Variants in LRRTM4 observed in about 807,000 individuals in gnomAD.
LRRTM4 encodes the protein leucine rich repeat transmembrane neuronal 4.
LRRTM4 carries 25 observed loss-of-function variants against 47.6 expected under a neutral mutation model. That is an observed-to-expected ratio of 0.53 (90% CI 0.38 to 0.73). The LOEUF is 0.73. Ranked by LOEUF, LRRTM4 falls within the 30% of genes least tolerant of loss-of-function variation. LRRTM4 has a pLI of 0.00. For synonymous variants in LRRTM4, 311 were observed against 269.5 expected (o/e 1.15, Z -1.51); for missense variants, 638 against 713.4 (o/e 0.89, Z 1.20).
intron 3 of LRRTM4, among the ~76,000 whole-genome samples, chr2:76,936,929 T>C (rs1473988083): frequency 9.4e-6 from 1 of 106,140 alleles, no homozygotes; most frequent in Non-Finnish European, 1.7e-5. Flanking sequence ...CACTCCAGCC[T>C]GGGCGACAGA....
intron 3 of LRRTM4, among the ~76,000 whole-genome samples, chr2:77,188,745 A>G (rs1274143919): frequency 1.3e-5 from 2 of 152,162 alleles, no homozygotes; most frequent in African/African-American, 2.4e-5. Context: ...ATGTCTTGGC[A>G]ATACTGGTCT....
At chr2:76,860,413 A>C (rs1672279092) in intron 3 of LRRTM4, among the ~76,000 whole-genome samples, 1 of 152,178 alleles carries the variant, frequency 6.6e-6, no homozygotes, top group Non-Finnish European at 1.5e-5. Flanking sequence ...AGTTGGATAC[A>C]AAAACCAGAT....
intron 3 of LRRTM4, among the ~76,000 whole-genome samples, chr2:77,079,102 A>G (rs549286304): frequency 6.6e-6 from 1 of 152,336 alleles, no homozygotes; most frequent in East Asian, 1.9e-4. Flanking sequence ...TCAACATATG[A>G]ATTTTGGGGG....
intron 3 of LRRTM4, among the ~76,000 whole-genome samples, chr2:77,194,905 TA>T (rs1673769197): frequency 6.6e-6 from 1 of 150,546 alleles, no homozygotes; most frequent in South Asian, 2.1e-4. Context: ...GCATTTATAT[TA>T]AAAGAAAAAA....
chr2:77,493,114 A>G (rs1678232636), intron 3 of LRRTM4, among the ~76,000 whole-genome samples: 1 of 152,118 alleles, frequency 6.6e-6, no homozygotes, highest in African/African-American at 2.4e-5. Context: ...GTGATCCGAA[A>G]CATACTCGCC....
At chr2:77,000,480 C>T (rs1465467918) in intron 3 of LRRTM4, among the ~76,000 whole-genome samples, 1 of 152,104 alleles carries the variant, frequency 6.6e-6, no homozygotes, top group African/African-American at 2.4e-5. Flanking sequence ...ATCTACAACA[C>T]GTAAGTAGTA....
At chr2:77,127,518 C>T (rs551421004) in intron 3 of LRRTM4, among the ~76,000 whole-genome samples, 7 of 152,170 alleles carry the variant, frequency 4.6e-5, no homozygotes, top group African/African-American at 1.7e-4. Flanking sequence ...TCTACATGAC[C>T]CACAGAATAT....
rs1319023471 is a variant in LRRTM4 at position 77,292,464 on chromosome 2, T to C, written c.1551+225854A>G. 3.3e-5 allele frequency among the ~76,000 whole-genome samples: 5 copies of C among 151,970 alleles called. No homozygotes were observed. The East Asian group carries it at 5.8e-4, about 18-fold the overall frequency. The stretch of plus-strand genomic sequence containing the variant: ...AACCAACCCAAATGTCCAACAATGA[T>C]AGACTTGATTAAGAAAATGTGGCAC... On this transcript the variant is annotated intron_variant, in intron 3 of 3. Transcript: ENST00000409884.
chr2:76,767,344 C>G (rs541206584), intron 3 of LRRTM4, among the ~76,000 whole-genome samples: 2 of 152,134 alleles, frequency 1.3e-5, no homozygotes, highest in South Asian at 4.1e-4. Flanking sequence ...TCTGTGTCAC[C>G]CATCTTTATG....
At chr2:77,356,630 G>A (rs532675651) in intron 3 of LRRTM4, among the ~76,000 whole-genome samples, 29 of 152,224 alleles carry the variant, frequency 1.9e-4, no homozygotes, top group African/African-American at 5.8e-4. Flanking sequence ...TGTCTGTAGC[G>A]CCTATGCTAT....
At chr2:77,235,209 T>C (rs535393864) in intron 3 of LRRTM4, among the ~76,000 whole-genome samples, 1 of 152,220 alleles carries the variant, frequency 6.6e-6, no homozygotes, top group Admixed American at 6.5e-5. Flanking sequence ...CCAGCATCTG[T>C]TGGTTTTTTA....
At chr2:76,996,562 TA>T (rs5832264) in intron 3 of LRRTM4, among the ~76,000 whole-genome samples, 86,102 of 151,720 alleles carry the variant, frequency 0.57, 26,522 homozygotes, top group African/African-American at 0.8. Context: ...ACAGGAAAAA[TA>T]AAAAAATGAC....
intron 3 of LRRTM4, among the ~76,000 whole-genome samples, chr2:76,915,183 T>C (rs1674201580): frequency 6.6e-6 from 1 of 152,214 alleles, no homozygotes; most frequent in Admixed American, 6.5e-5. Context: ...GATAAAATCC[T>C]CTTGATTGGA....
intron 3 of LRRTM4, among the ~76,000 whole-genome samples, chr2:77,169,221 C>T (rs543769867): frequency 3.0e-4 from 45 of 151,960 alleles, no homozygotes; most frequent in Admixed American, 4.6e-4. Flanking sequence ...CAGTCCTAGC[C>T]GGAGCAATCA....
chr2:76,846,005 C>T (rs565892323), intron 3 of LRRTM4, among the ~76,000 whole-genome samples: 4 of 152,158 alleles, frequency 2.6e-5, no homozygotes, highest in African/African-American at 4.8e-5. Flanking sequence ...ATGGAAAATA[C>T]GGTATTTGCA....
chr2:77,464,067 T>C lies in LRRTM4; in HGVS notation c.1551+54251A>G, dbSNP rs186351940. On this transcript the variant is annotated intron_variant, in intron 3 of 3. Transcript: ENST00000409884. ...AAGCCAGAATTGGAACTGGGCTTGA[T>C]GGACTAGTAAGACCATCAGGTAATT... Among the ~76,000 whole-genome samples, 3 of 152,222 alleles carry C rather than the reference T, an allele frequency of 2.0e-5. No individual in the cohort carries two copies. The East Asian group carries it at 5.8e-4, about 29-fold the overall frequency.
intron 3 of LRRTM4, among the ~76,000 whole-genome samples, chr2:77,081,914 T>C (rs1346900640): frequency 1.3e-5 from 2 of 152,106 alleles, no homozygotes; most frequent in African/African-American, 4.8e-5. Context: ...TCATCGGCTT[T>C]TTGGGTTTTA....
At chr2:76,805,487 CAA>C (rs1179361467) in intron 3 of LRRTM4, among the ~76,000 whole-genome samples, 8 of 152,054 alleles carry the variant, frequency 5.3e-5, no homozygotes, top group African/African-American at 9.7e-5. Flanking sequence ...GCTGTAGTGA[CAA>C]AGAGTTAGTA....
intron 3 of LRRTM4, among the ~76,000 whole-genome samples, chr2:77,239,734 C>G (rs1475738181): frequency 6.6e-6 from 1 of 151,732 alleles, no homozygotes; most frequent in Non-Finnish European, 1.5e-5. Context: ...CCTATTGTTG[C>G]ACCTAATAGT....
Sources: allele counts gnomAD v4.1 joint callset (sites outside exome capture counted in the v4.1 genomes callset), GRCh38; gene constraint gnomAD v4.1.1; transcripts MANE v1.5; gene names NCBI Gene and HGNC (gene_info 2026-07-23, HGNC 2026-07-21).